Variants in ITGBL1 observed in about 807,000 individuals in gnomAD.
The protein encoded by ITGBL1 is integrin beta-like protein 1.
A neutral mutation model predicts 68.5 loss-of-function variants in ITGBL1; 51 were observed. The observed-to-expected ratio is 0.74, with a 90% CI of 0.59 to 0.94. The LOEUF is 0.94. Among genes scored for constraint, ITGBL1 ranks in the 40% least tolerant of loss-of-function variants. The pLI, the probability that ITGBL1 is intolerant of heterozygous loss-of-function variation, is 0.00. For synonymous variants in ITGBL1, 209 were observed against 227.3 expected (o/e 0.92, Z 0.72); for missense variants, 649 against 647.4 (o/e 1.00, Z -0.03).
At chr13:101,502,623 C>A (rs2048961593) in intron 2 of ITGBL1, among the ~76,000 whole-genome samples, 1 of 152,164 alleles carries the variant, frequency 6.6e-6, no homozygotes, top group South Asian at 2.1e-4. Context: ...CTGGTTCATA[C>A]ATTTACTAAT....
At chr13:101,579,218 G>A in intron 4 of ITGBL1, 69 bp from the exon 5 acceptor site, 2 of 1,544,564 alleles carry the variant, frequency 1.3e-6, no homozygotes, top group East Asian at 2.3e-5. Flanking sequence ...ATCACAAAGA[G>A]ATAGAAAGTT....
intron 2 of ITGBL1, among the ~76,000 whole-genome samples, chr13:101,477,505 C>G (rs765990294): frequency 1.3e-5 from 2 of 151,312 alleles, no homozygotes; most frequent in Non-Finnish European, 3.0e-5. Context: ...TAAATGAGAT[C>G]AAATTAAAAA....
intron 2 of ITGBL1, among the ~76,000 whole-genome samples, chr13:101,510,317 A>C (rs1566708245): frequency 6.6e-6 from 1 of 152,114 alleles, no homozygotes; most frequent in South Asian, 2.1e-4. Flanking sequence ...AGTTTCATCC[A>C]TGTTGCTGCA....
chr13:101,678,658 C>T (rs545622277), intron 7 of ITGBL1, among the ~76,000 whole-genome samples: 5 of 152,164 alleles, frequency 3.3e-5, no homozygotes, highest in South Asian at 2.1e-4. Flanking sequence ...CACCACCACA[C>T]CCAGCTAATT....
At chr13:101,564,534 G>A (rs903973240) in intron 2 of ITGBL1, among the ~76,000 whole-genome samples, 14 of 149,892 alleles carry the variant, frequency 9.3e-5, no homozygotes, top group South Asian at 2.1e-4. Flanking sequence ...ATATATATCC[G>A]TACATATATG....
intron 5 of ITGBL1, among the ~76,000 whole-genome samples, chr13:101,582,459 A>G (rs112596371): frequency 1.6e-3 from 237 of 152,308 alleles, no homozygotes; most frequent in African/African-American, 5.2e-3. Context: ...TGGTTGCCCT[A>G]AAGACAGTTA....
At position 101,681,138 on chromosome 13, in the gene ITGBL1, A is replaced by C. The variant is rs1239109992; in HGVS notation, c.1016-11447A>C. ...AATGATCAAAGTAATGCAGACATTT[A>C]AGATTGTGAGCCCTGCTAAACCTAT... On this transcript the variant is annotated intron_variant, in intron 7 of 10. Transcript: ENST00000376180. Among the ~76,000 whole-genome samples, 3 of 152,180 alleles carry C rather than the reference A, an allele frequency of 2.0e-5. No homozygotes were observed. In the East Asian group the frequency reaches 5.8e-4, roughly 29 times the overall value.
At chr13:101,616,212 G>T (rs4772402) in intron 7 of ITGBL1, among the ~76,000 whole-genome samples, 122,722 of 152,046 alleles carry the variant, frequency 0.81, 49,687 homozygotes, top group African/African-American at 0.89. Context: ...CCTGGAGAAA[G>T]GGGGAAGAAT....
chr13:101,452,876 TCCCTTC>T lies in ITGBL1; in HGVS notation c.44_49del (p.Ser15_Leu17delinsPhe). 1 of 1,614,210 alleles carries T rather than the reference TCCCTTC, an allele frequency of 6.2e-7. No homozygotes were observed. The highest frequency in any genetic ancestry group is 8.5e-7 in the Non-Finnish European group (1 of 1,180,036). ...CAGGAACTTCTTGCTGCTGGCGTCC[TCCCTTC>T]TCTTTGCTGGGTTGTCAGCTGTTCC... On this transcript the variant is annotated inframe_deletion, in exon 1 of 11. Transcript: ENST00000376180.
chr13:101,460,043 T>A (rs2048297389), intron 2 of ITGBL1, among the ~76,000 whole-genome samples: 1 of 152,120 alleles, frequency 6.6e-6, no homozygotes, highest in Non-Finnish European at 1.5e-5. Context: ...TTGAACGATC[T>A]CCCTCCAAGC....
At chr13:101,553,026 C>T (rs2049946183) in intron 2 of ITGBL1, among the ~76,000 whole-genome samples, 1 of 152,106 alleles carries the variant, frequency 6.6e-6, no homozygotes, top group East Asian at 1.9e-4. Context: ...TAGGAGAGGA[C>T]TGACATTTTT....
intron 2 of ITGBL1, among the ~76,000 whole-genome samples, chr13:101,511,867 T>C (rs2049120990): frequency 1.3e-5 from 2 of 152,274 alleles, no homozygotes; most frequent in South Asian, 4.1e-4. Flanking sequence ...TAGATGTTAC[T>C]TTAAACATCT....
intron 2 of ITGBL1, among the ~76,000 whole-genome samples, chr13:101,509,082 A>C (rs1250851445): frequency 6.6e-6 from 1 of 152,172 alleles, no homozygotes; most frequent in Non-Finnish European, 1.5e-5. Context: ...GGCAATTTAC[A>C]AAAGAAAGAG....
At chr13:101,618,444 A>G (rs9557714) in intron 7 of ITGBL1, among the ~76,000 whole-genome samples, 86,566 of 152,028 alleles carry the variant, frequency 0.57, 26,236 homozygotes, top group Middle Eastern at 0.69. Context: ...TAAGAAAACT[A>G]TACAGCATCT....
chr13:101,704,516 A>G (rs2034211445), intron 8 of ITGBL1, among the ~76,000 whole-genome samples: 2 of 151,590 alleles, frequency 1.3e-5, no homozygotes, highest in South Asian at 4.2e-4. Flanking sequence ...AGAAGAATAA[A>G]TAGAGACAAA....
intron 2 of ITGBL1, among the ~76,000 whole-genome samples, chr13:101,521,771 G>A (rs1332031320): frequency 6.6e-6 from 1 of 152,036 alleles, no homozygotes; most frequent in Non-Finnish European, 1.5e-5. Flanking sequence ...AAGTAAAATT[G>A]CAACAGCTGT....
At chr13:101,544,401 C>T (rs899038366) in intron 2 of ITGBL1, among the ~76,000 whole-genome samples, 3 of 152,176 alleles carry the variant, frequency 2.0e-5, no homozygotes, top group Admixed American at 6.5e-5. Context: ...GCTGCCTGAT[C>T]GTTCCTCTGG....
At chr13:101,516,012 C>T (rs2049189393) in intron 2 of ITGBL1, among the ~76,000 whole-genome samples, 1 of 152,086 alleles carries the variant, frequency 6.6e-6, no homozygotes, top group Admixed American at 6.6e-5. Flanking sequence ...GACTGTGAGA[C>T]TGCAATGTTG....
intron 2 of ITGBL1, among the ~76,000 whole-genome samples, chr13:101,514,894 T>A (rs1349300866): frequency 1.3e-5 from 2 of 152,082 alleles, no homozygotes; most frequent in Non-Finnish European, 2.9e-5. Context: ...TAATAAGCAC[T>A]TTAATATTGG....
Sources: allele counts gnomAD v4.1 joint callset (sites outside exome capture counted in the v4.1 genomes callset), GRCh38; gene constraint gnomAD v4.1.1; transcripts MANE v1.5; gene names NCBI Gene and HGNC (gene_info 2026-07-23, HGNC 2026-07-21).